The following ZFHX3 variants were observed in gnomAD, a reference collection of about 807,000 sequenced individuals.
The protein encoded by ZFHX3 is zinc finger homeobox protein 3.
ZFHX3 carries 42 observed loss-of-function variants against 279.1 expected under a neutral mutation model. The ratio of observed to expected loss-of-function variants is 0.15; its 90% CI spans 0.12 to 0.19. The LOEUF (loss-of-function observed/expected upper bound fraction) is 0.19, where lower values mean the gene tolerates loss of function less well. Ranked by LOEUF, ZFHX3 falls within the 10% of genes least tolerant of loss-of-function variation. The probability of loss-of-function intolerance (pLI) is 1.00; values close to 1 mark genes in which losing one functional copy is unlikely to be tolerated. For synonymous variants in ZFHX3, 2,293 were observed against 1,957.8 expected (o/e 1.17, Z -4.52); for missense variants, 4,981 against 4,754.0 (o/e 1.05, Z -1.40).
At chr16:72,809,781 G>A (rs1319696084) in intron 7 of ZFHX3, 1 of 152,112 alleles carries the variant, frequency 6.6e-6, no homozygotes. Context: ...CACGTGAAAA[G>A]GCAATCAAAT....
At chr16:72,801,387 T>C (rs578164658) in intron 7 of ZFHX3, among the ~76,000 whole-genome samples, 1 of 152,352 alleles carries the variant, frequency 6.6e-6, no homozygotes, top group East Asian at 1.9e-4. Context: ...TTACTATTAA[T>C]TTTTAATGGT....
At chr16:72,977,595 G>GGA (rs1567615484) in intron 1 of ZFHX3, among the ~76,000 whole-genome samples, 1 of 151,382 alleles carries the variant, frequency 6.6e-6, no homozygotes, top group Non-Finnish European at 1.5e-5. Flanking sequence ...TCAGTGGGGG[G>GGA]AAAAAAATCA....
intron 1 of ZFHX3, among the ~76,000 whole-genome samples, chr16:73,055,307 G>A (rs1003909088): frequency 2.6e-5 from 4 of 151,852 alleles, no homozygotes; most frequent in South Asian, 2.1e-4. Flanking sequence ...TGGGTTTTCT[G>A]TTGTTGCTGG....
chr16:73,108,641 T>A (rs767228861), intron 7 of ZFHX3, among the ~76,000 whole-genome samples: 21 of 152,176 alleles, frequency 1.4e-4, no homozygotes, highest in Non-Finnish European at 2.6e-4. Flanking sequence ...CACCCACCAG[T>A]ACCTCTCTGG....
chr16:73,162,349 A>G (rs772573018), intron 5 of ZFHX3, among the ~76,000 whole-genome samples: 13 of 152,328 alleles, frequency 8.5e-5, no homozygotes, highest in Admixed American at 2.6e-4. Context: ...CTAATGCCCA[A>G]TGATCTGTCA....
intron 3 of ZFHX3, among the ~76,000 whole-genome samples, chr16:72,941,573 C>T (rs953187160): frequency 1.3e-5 from 2 of 151,968 alleles, no homozygotes; most frequent in Admixed American, 6.6e-5. Context: ...CTGAAATTTA[C>T]GTTTGGAGGC....
intron 5 of ZFHX3, among the ~76,000 whole-genome samples, chr16:73,155,086 C>T (rs895331126): frequency 5.4e-5 from 8 of 149,530 alleles, no homozygotes; most frequent in South Asian, 2.1e-4. Context: ...GCACAAGAAT[C>T]GCTTGAATGT....
intron 1 of ZFHX3, among the ~76,000 whole-genome samples, chr16:72,977,196 T>C (rs1962387531): frequency 6.6e-6 from 1 of 152,204 alleles, no homozygotes; most frequent in Admixed American, 6.5e-5. Flanking sequence ...TGCATTCCCA[T>C]CCTGGTTTCT....
intron 8 of ZFHX3, among the ~76,000 whole-genome samples, chr16:73,069,018 G>A (rs1442238130): frequency 6.6e-6 from 1 of 152,222 alleles, no homozygotes; most frequent in Non-Finnish European, 1.5e-5. Context: ...TCAGTCCAGT[G>A]GTATGGGCTG....
intron 4 of ZFHX3, among the ~76,000 whole-genome samples, chr16:72,858,037 G>C: frequency 6.6e-6 from 1 of 152,230 alleles, no homozygotes; most frequent in Non-Finnish European, 1.5e-5. Flanking sequence ...CTCTGTGCTG[G>C]AAGTAAATTC....
chr16:73,134,205 T>C (rs1296991043), intron 6 of ZFHX3, among the ~76,000 whole-genome samples: 1 of 152,122 alleles, frequency 6.6e-6, no homozygotes, highest in Admixed American at 6.5e-5. Context: ...TCAGGTACCA[T>C]GCTTTTAACC....
At chr16:73,587,291 A>G (rs2051937634) in intron 2 of ZFHX3, among the ~76,000 whole-genome samples, 1 of 152,188 alleles carries the variant, frequency 6.6e-6, no homozygotes, top group South Asian at 2.1e-4. Flanking sequence ...CAGATAAGAG[A>G]CTTTTTAAAA....
At chr16:73,267,201 C>T (rs1350893517) in intron 4 of ZFHX3, among the ~76,000 whole-genome samples, 1 of 152,144 alleles carries the variant, frequency 6.6e-6, no homozygotes, top group Non-Finnish European at 1.5e-5. Context: ...GGTTCTGATG[C>T]ATCTTTCTGC....
chr16:73,835,457 GCTT>G (rs1291485828), intron 1 of ZFHX3, among the ~76,000 whole-genome samples: 1 of 71,322 alleles, frequency 1.4e-5, no homozygotes, highest in Non-Finnish European at 3.0e-5. Flanking sequence ...TCCCTCTTCT[GCTT>G]TTTTTTTTTT....
intron 2 of ZFHX3, among the ~76,000 whole-genome samples, chr16:73,632,641 G>A (rs1038292869): frequency 1.6e-4 from 24 of 150,280 alleles, no homozygotes; most frequent in Non-Finnish European, 2.5e-4. Context: ...AGCTGAGATC[G>A]CGCCACTGCA....
At chr16:72,986,109 A>C (rs1327340574) in intron 1 of ZFHX3, among the ~76,000 whole-genome samples, 1 of 151,048 alleles carries the variant, frequency 6.6e-6, no homozygotes, top group East Asian at 2.0e-4. Flanking sequence ...CTGGGCGGTT[A>C]ACATGTTCTT....
At chr16:72,984,708 A>C (rs546702795) in intron 1 of ZFHX3, among the ~76,000 whole-genome samples, 1 of 152,052 alleles carries the variant, frequency 6.6e-6, no homozygotes, top group African/African-American at 2.4e-5. Flanking sequence ...CTTAGGTTGA[A>C]CAGCACCTGT....
chr16:73,233,400 G>A (rs559626200), intron 5 of ZFHX3, among the ~76,000 whole-genome samples: 1 of 152,222 alleles, frequency 6.6e-6, no homozygotes, highest in East Asian at 1.9e-4. Context: ...CCTTTTTATG[G>A]GAGGCTTCTG....
chr16:72,795,409 C>T lies in ZFHX3; in HGVS notation c.7273G>A (p.Ala2425Thr). ...ELATFNSKTE[A>T]GDEKPKLAEA... ...GCCAGCTTTGGTTTCTCATCGCCTG[C>T]CTCTGTTTTTGAATTGAAGGTGGCC... Residue 2425 changes from alanine (A) to threonine (T), a missense_variant, in exon 9 of 10, where the codon GCA becomes ACA. This residue lies in a region of ZFHX3 where 744 missense variants were observed against 701.3 expected (regional missense o/e 1.06). Transcript: ENST00000268489. 2 of 1,614,092 alleles carry T rather than the reference C, an allele frequency of 1.2e-6. No homozygotes were observed. Among genetic ancestry groups the T allele is most frequent in the Middle Eastern group, 1.6e-4 (1 of 6,062 alleles).
Sources: gnomAD v4.1 joint callset for allele counts (sites outside exome capture counted in the v4.1 genomes callset) on GRCh38, gnomAD v4.1.1 for gene constraint, gnomAD v4.1.1 regional missense constraint, MANE v1.5 for transcripts, NCBI Gene and HGNC (gene_info 2026-07-23, HGNC 2026-07-21) for gene names.